The following ATP8B1 variants were observed in gnomAD, a reference collection of about 807,000 sequenced individuals.
ATP8B1 encodes the protein ATPase phospholipid transporting 8B1, also known as phospholipid-transporting ATPase IC.
In ATP8B1, 80 loss-of-function variants were observed where a neutral mutation model predicts 149.9. That is an observed-to-expected ratio of 0.53 (90% confidence interval 0.45 to 0.64). The LOEUF (loss-of-function observed/expected upper bound fraction) is 0.64. ATP8B1 is among the 30% of genes least tolerant of loss of function. The pLI, the probability that ATP8B1 is intolerant of heterozygous loss-of-function variation, is 0.00. For synonymous variants in ATP8B1, 536 were observed against 562.8 expected (o/e 0.95, Z 0.67); for missense variants, 1,247 against 1,552.6 (o/e 0.80, Z 3.31).
intron 2 of ATP8B1, among the ~76,000 whole-genome samples, chr18:57,727,738 T>C (rs982415324): frequency 5.3e-5 from 8 of 152,076 alleles, no homozygotes; most frequent in African/African-American, 1.7e-4. Context: ...AGTGAGCCGA[T>C]ATCGCGCCTC....
In ATP8B1 at chr18:57,787,404, T is replaced by C. The variant is rs1245181854; in HGVS notation, c.-26+15594A>G. ...GCGAGAGGAGCTCCATCTAGAGCAC[T>C]GCGGGAGGAGCTCCATCTAGAACAC... On this transcript the variant is annotated intron_variant, in intron 1 of 27. Coordinates refer to ENST00000648908, the MANE Select transcript of ATP8B1 (RefSeq NM_001374385.1). Among the ~76,000 whole-genome samples, 5 of 134,732 alleles carry C rather than the reference T, an allele frequency of 3.7e-5. No individual in the cohort carries two copies. In the East Asian group the frequency reaches 1.0e-3, roughly 28 times the overall value. 88.4% of individuals were successfully genotyped at this position (134,732 alleles called of 152,430 possible).
chr18:57,751,383 T>C (rs1241526470), intron 1 of ATP8B1, among the ~76,000 whole-genome samples: 1 of 151,546 alleles, frequency 6.6e-6, no homozygotes, highest in East Asian at 1.9e-4. Flanking sequence ...TCCCAGTTAC[T>C]TGGGCAGCTG....
intron 16 of ATP8B1, among the ~76,000 whole-genome samples, chr18:57,672,317 G>A (rs1911256703): frequency 6.6e-6 from 1 of 151,924 alleles, no homozygotes; most frequent in African/African-American, 2.4e-5. Flanking sequence ...TGGGTTTTTT[G>A]ATTAATGCAA....
In ATP8B1 at chr18:57,648,610, A is replaced by C; in HGVS notation, c.3634T>G (p.Ser1212Ala). The C allele has an allele frequency of 1.9e-6, 3 of 1,610,574 alleles. No homozygotes were observed. Among genetic ancestry groups the C allele is most frequent in the Non-Finnish European group, 2.5e-6 (3 of 1,179,500 alleles). ...AGGTCCGCGTAGCCCCGCTGGTGCG[A>C]GAAGGCGTAGGCCGAGCGCCGCGTT... ...VSTRRSAYAF[S>A]HQRGYADLIS... Residue 1212 changes from serine to alanine, a missense_variant, in exon 28 of 28, where the codon TCG becomes GCG. Transcript: ENST00000648908.
chr18:57,732,243 A>ATATATG (rs2079786149), intron 1 of ATP8B1, among the ~76,000 whole-genome samples: 5 of 10,160 alleles, frequency 4.9e-4, no homozygotes, highest in African/African-American at 7.8e-4. Flanking sequence ...GTGTATATAT[A>ATATATG]TGTATATATG....
At chr18:57,746,004 A>C (rs999959899) in intron 1 of ATP8B1, among the ~76,000 whole-genome samples, 1 of 152,184 alleles carries the variant, frequency 6.6e-6, no homozygotes, top group Non-Finnish European at 1.5e-5. Flanking sequence ...AATAACAGCT[A>C]TTTTTAATAA....
chr18:57,782,763 G>A (rs1165442819), intron 1 of ATP8B1, among the ~76,000 whole-genome samples: 3 of 135,658 alleles, frequency 2.2e-5, no homozygotes, highest in Admixed American at 7.7e-5. Flanking sequence ...CAGATTTACT[G>A]TCTAAATGAT....
chr18:57,745,841 TGTAAAGACGAG>T (rs1054095096), intron 1 of ATP8B1, among the ~76,000 whole-genome samples: 8 of 151,798 alleles, frequency 5.3e-5, no homozygotes, highest in Non-Finnish European at 8.8e-5. Flanking sequence ...AGAAAATTTT[TGTAAAGACGAG>T]GTTTCACTAC....
intron 2 of ATP8B1, chr18:57,708,539 T>A (rs1193775031): frequency 6.6e-6 from 1 of 152,188 alleles, no homozygotes; most frequent in African/African-American, 2.4e-5. Context: ...GCATGTGCTT[T>A]TAATGGTTTA....
intron 22 of ATP8B1, among the ~76,000 whole-genome samples, chr18:57,656,595 T>A (rs1319232625): frequency 6.6e-6 from 1 of 151,946 alleles, no homozygotes; most frequent in Non-Finnish European, 1.5e-5. Context: ...CAGGCAGGCC[T>A]TGAACTCCTG....
At chr18:57,744,510 G>A (rs111898574) in intron 1 of ATP8B1, among the ~76,000 whole-genome samples, 24 of 152,006 alleles carry the variant, frequency 1.6e-4, no homozygotes, top group African/African-American at 2.9e-4. Context: ...TTGGAGACTC[G>A]GCCTCAATCC....
At chr18:57,741,971 A>G (rs1368687072) in intron 1 of ATP8B1, among the ~76,000 whole-genome samples, 2 of 152,046 alleles carry the variant, frequency 1.3e-5, no homozygotes, top group Non-Finnish European at 2.9e-5. Context: ...CCAGGTTCAA[A>G]TGATTCTCCT....
At chr18:57,766,065 C>CA (rs2080208987) in intron 1 of ATP8B1, among the ~76,000 whole-genome samples, 1 of 149,930 alleles carries the variant, frequency 6.7e-6, no homozygotes, top group African/African-American at 2.5e-5. Context: ...TTTTTTGAGA[C>CA]AGAGTTTTGC....
chr18:57,777,962 T>C (rs2080321464), intron 1 of ATP8B1, among the ~76,000 whole-genome samples: 1 of 152,144 alleles, frequency 6.6e-6, no homozygotes, highest in African/African-American at 2.4e-5. Flanking sequence ...AAACAAATAA[T>C]AGGTGGAACA....
intron 1 of ATP8B1, among the ~76,000 whole-genome samples, chr18:57,749,625 G>A (rs1008663882): frequency 6.6e-6 from 1 of 152,182 alleles, no homozygotes; most frequent in Non-Finnish European, 1.5e-5. Flanking sequence ...GAGTCAGGAA[G>A]ATTGATCCAT....
chr18:57,672,948 T>C (rs1238919411), intron 16 of ATP8B1, among the ~76,000 whole-genome samples: 5,996 of 49,328 alleles, frequency 0.12, 657 homozygotes, highest in Middle Eastern at 0.24. Flanking sequence ...TATATACACA[T>C]ATATACATAC....
At chr18:57,732,149 A>ATATGTTTG (rs2079777255) in intron 1 of ATP8B1, 1 of 84,064 alleles carries the variant, frequency 1.2e-5, no homozygotes, top group African/African-American at 4.7e-5. Flanking sequence ...ATATGTGTAT[A>ATATGTTTG]TATGTATATA....
intron 22 of ATP8B1, among the ~76,000 whole-genome samples, chr18:57,658,670 CT>C (rs1910182119): frequency 2.7e-5 from 3 of 111,702 alleles, no homozygotes; most frequent in African/African-American, 1.0e-4. Flanking sequence ...TGTGTGTGTT[CT>C]TTTTTGTTGT....
Position 57,731,368 on chromosome 18 carries a change from T to C in ATP8B1, c.181+259A>G, listed in dbSNP as rs1454369169. Reference sequence around the variant, plus strand: ...ATATATATATATATATATATATATATATATATACACACACTAACAAAGACC... The same window carrying C: ...ATATATATATATATATATATATATACATATATACACACACTAACAAAGACC... On this transcript the variant is annotated intron_variant, in intron 2 of 27. Transcript: ENST00000648908. The C allele has an allele frequency of 2.2e-4, 32 of 148,660 alleles. 6 individuals carry two copies. The highest frequency in any genetic ancestry group is 6.0e-4 in the South Asian group (12 of 20,110). 9.2% of individuals were successfully genotyped at this position (148,660 alleles called of 1,614,324 possible). A position where few individuals can be genotyped will look rare whatever the true frequency, so the allele number is the denominator to read the frequency against.
Sources: gnomAD v4.1 joint callset for allele counts (sites outside exome capture counted in the v4.1 genomes callset) on GRCh38, gnomAD v4.1.1 for gene constraint, MANE v1.5 for transcripts, NCBI Gene and HGNC (gene_info 2026-07-23, HGNC 2026-07-21) for gene names.